CDK14: variants seen among roughly 807,000 people sequenced by gnomAD.
The protein encoded by CDK14 is cyclin dependent kinase 14, also known as cyclin-dependent kinase 14.
Under a neutral mutation model 60.7 loss-of-function variants are expected in CDK14, and 34 were observed. The ratio of observed to expected loss-of-function variants is 0.56; its 90% CI spans 0.43 to 0.75. The LOEUF (loss-of-function observed/expected upper bound fraction) is 0.75, where lower values mean the gene tolerates loss of function less well. Among genes scored for constraint, CDK14 ranks in the 30% least tolerant of loss-of-function variants. The pLI is 0.00. For missense variants in CDK14, 482 were observed against 564.1 expected (o/e 0.85, Z 1.47); for synonymous variants, 197 against 203.7 (o/e 0.97, Z 0.28).
At position 90,683,928 on chromosome 7, in the gene CDK14, GTGTGTA is replaced by G. The variant is rs574472451; in HGVS notation, c.124-42636_124-42631del. Among the ~76,000 whole-genome samples, 518 of 149,052 alleles carry G rather than the reference GTGTGTA, an allele frequency of 3.5e-3. 3 individuals are homozygous for G. The highest frequency in any genetic ancestry group is 0.012 in the African/African-American group (482 of 40,856). ...TGTGTGTGTGTGTGTGTGTGTGTGT[GTGTGTA>G]TGCATTCATATATACATTCACATGC... On this transcript the variant is annotated intron_variant, in intron 2 of 14. Coordinates refer to ENST00000380050, the MANE Select transcript of CDK14 (RefSeq NM_001287135.2).
intron 14 of CDK14, among the ~76,000 whole-genome samples, chr7:91,135,669 T>C (rs1800258244): frequency 6.6e-6 from 1 of 152,206 alleles, no homozygotes; most frequent in Non-Finnish European, 1.5e-5. Context: ...AGCCTTGGTC[T>C]CAGCCTTGAG....
chr7:91,176,888 G>T (rs962516692), intron 14 of CDK14, among the ~76,000 whole-genome samples: 2 of 152,100 alleles, frequency 1.3e-5, no homozygotes, highest in African/African-American at 4.8e-5. Context: ...GTACAAGGAG[G>T]AACTGGTACC....
At chr7:90,629,244 A>G (rs12537569) in intron 2 of CDK14, among the ~76,000 whole-genome samples, 47,081 of 152,012 alleles carry the variant, frequency 0.31, 8,220 homozygotes, top group East Asian at 0.67. Context: ...TTAGTAGTTC[A>G]CAAACTCCTC....
At chr7:91,005,970 A>G (rs974134216) in intron 10 of CDK14, among the ~76,000 whole-genome samples, 1 of 152,208 alleles carries the variant, frequency 6.6e-6, no homozygotes, top group African/African-American at 2.4e-5. Context: ...CTCGGTTCAT[A>G]AAGACACCCA....
intron 5 of CDK14, among the ~76,000 whole-genome samples, chr7:90,808,973 A>G (rs1788977987): frequency 6.6e-6 from 1 of 152,208 alleles, no homozygotes; most frequent in Non-Finnish European, 1.5e-5. Flanking sequence ...TCATAAAGCA[A>G]GTCCTTAGAG....
intron 2 of CDK14, among the ~76,000 whole-genome samples, chr7:90,682,075 T>A (rs10281125): frequency 2.7e-4 from 41 of 152,322 alleles, no homozygotes; most frequent in African/African-American, 9.4e-4. Flanking sequence ...TACCTGTATC[T>A]GCATTAATTA....
intron 2 of CDK14, among the ~76,000 whole-genome samples, chr7:90,724,686 G>C (rs1802573340): frequency 6.6e-6 from 1 of 151,556 alleles, no homozygotes; most frequent in African/African-American, 2.4e-5. Context: ...TATTAATTTA[G>C]TCATCAACTA....
intron 10 of CDK14, among the ~76,000 whole-genome samples, chr7:91,020,344 A>C (rs993181286): frequency 3.3e-5 from 5 of 152,202 alleles, no homozygotes; most frequent in African/African-American, 1.2e-4. Flanking sequence ...CAATGATTAC[A>C]TTCATTCGTG....
chr7:90,838,144 T>G (rs113853334), intron 5 of CDK14, among the ~76,000 whole-genome samples: 104 of 152,270 alleles, frequency 6.8e-4, no homozygotes, highest in African/African-American at 2.3e-3. Flanking sequence ...TCATGAACAT[T>G]TATTAGTTCC....
At chr7:91,184,314 C>T in intron 14 of CDK14, among the ~76,000 whole-genome samples, 1 of 150,218 alleles carries the variant, frequency 6.7e-6, no homozygotes, top group East Asian at 1.9e-4. Context: ...AAGAAGCTTC[C>T]ACAGTCTTAA....
intron 5 of CDK14, among the ~76,000 whole-genome samples, chr7:90,798,712 T>C (rs767239169): frequency 1.6e-4 from 25 of 152,246 alleles, no homozygotes; most frequent in Non-Finnish European, 3.2e-4. Flanking sequence ...GAAGCAACTC[T>C]AATCTAACCT....
chr7:91,130,284 T>G (rs951466631), intron 14 of CDK14, among the ~76,000 whole-genome samples: 1 of 152,108 alleles, frequency 6.6e-6, no homozygotes, highest in African/African-American at 2.4e-5. Context: ...TCCCACTAAT[T>G]CTCTTTGGAA....
intron 10 of CDK14, among the ~76,000 whole-genome samples, chr7:91,009,627 C>T (rs551138094): frequency 3.9e-5 from 6 of 152,226 alleles, no homozygotes; most frequent in Admixed American, 6.5e-5. Context: ...TGTTTTCCAT[C>T]TATATGTCTT....
intron 6 of CDK14, among the ~76,000 whole-genome samples, chr7:90,871,904 G>C (rs1280940999): frequency 6.6e-6 from 1 of 152,102 alleles, no homozygotes; most frequent in Non-Finnish European, 1.5e-5. Context: ...ATTGCCCAAG[G>C]TTTTACAATT....
intron 11 of CDK14, among the ~76,000 whole-genome samples, chr7:91,054,450 A>C (rs1797495149): frequency 6.6e-6 from 1 of 152,186 alleles, no homozygotes; most frequent in Non-Finnish European, 1.5e-5. Context: ...TGCTTTAATC[A>C]CATAGTGAAA....
At chr7:90,902,826 T>C (rs1487948012) in intron 7 of CDK14, among the ~76,000 whole-genome samples, 1 of 152,082 alleles carries the variant, frequency 6.6e-6, no homozygotes, top group Non-Finnish European at 1.5e-5. Flanking sequence ...GAAGAAAATA[T>C]TTGCAAACTC....
intron 14 of CDK14, among the ~76,000 whole-genome samples, chr7:91,158,495 G>T (rs956372699): frequency 1.3e-5 from 2 of 152,126 alleles, no homozygotes; most frequent in African/African-American, 4.8e-5. Context: ...GAGATTACAG[G>T]CCAAACATAG....
intron 11 of CDK14, among the ~76,000 whole-genome samples, chr7:91,056,295 C>T (rs1797553727): frequency 6.6e-6 from 1 of 151,756 alleles, no homozygotes; most frequent in South Asian, 2.1e-4. Flanking sequence ...GTGGTTGACC[C>T]AAGGGTAGGA....
intron 10 of CDK14, among the ~76,000 whole-genome samples, chr7:90,989,762 T>C (rs1415403365): frequency 6.6e-6 from 1 of 152,202 alleles, no homozygotes; most frequent in Non-Finnish European, 1.5e-5. Flanking sequence ...CCTTTTCAAA[T>C]TGGACAGTAG....
Sources: gnomAD v4.1 joint callset for allele counts (sites outside exome capture counted in the v4.1 genomes callset) on GRCh38, gnomAD v4.1.1 for gene constraint, MANE v1.5 for transcripts, NCBI Gene and HGNC (gene_info 2026-07-23, HGNC 2026-07-21) for gene names.